FAM13C: variants seen among roughly 807,000 people sequenced by gnomAD.
The protein encoded by FAM13C is protein FAM13C.
Under a neutral mutation model 73.2 loss-of-function variants are expected in FAM13C, and 37 were observed. That is an observed-to-expected ratio of 0.51 (90% CI 0.39 to 0.67). The LOEUF (loss-of-function observed/expected upper bound fraction) is 0.67. FAM13C is among the 30% of genes least tolerant of loss of function. FAM13C has a pLI of 0.00. For missense variants in FAM13C, 589 were observed against 715.6 expected (o/e 0.82, Z 2.02); for synonymous variants, 246 against 260.9 (o/e 0.94, Z 0.55).
At chr10:59,270,260 G>T in intron 6 of FAM13C, 151 bp from the exon 7 acceptor site, 1 of 730,646 alleles carries the variant, frequency 1.4e-6, no homozygotes, top group Non-Finnish European at 2.2e-6. Flanking sequence ...TCAAAATATT[G>T]TCATGTTTAT....
At chr10:59,344,715 A>G (rs890190426) in intron 3 of FAM13C, among the ~76,000 whole-genome samples, 2 of 152,238 alleles carry the variant, frequency 1.3e-5, no homozygotes, top group Non-Finnish European at 2.9e-5. Context: ...CAGAGCTAGT[A>G]AGTGATGCTT....
At chr10:59,319,135 AC>A (rs1849898131) in intron 4 of FAM13C, among the ~76,000 whole-genome samples, 1 of 151,764 alleles carries the variant, frequency 6.6e-6, no homozygotes, top group Non-Finnish European at 1.5e-5. Context: ...TATCTCAAAA[AC>A]AAAAGATGAA....
intron 6 of FAM13C, among the ~76,000 whole-genome samples, chr10:59,275,389 C>T (rs893765026): frequency 5.9e-5 from 9 of 152,144 alleles, no homozygotes; most frequent in Non-Finnish European, 1.2e-4. Context: ...GTCTACCAAG[C>T]CCTGGGCCTG....
intron 3 of FAM13C, among the ~76,000 whole-genome samples, chr10:59,328,659 T>C (rs922285340): frequency 6.6e-6 from 1 of 152,180 alleles, no homozygotes; most frequent in African/African-American, 2.4e-5. Flanking sequence ...CATCAAATGT[T>C]CATCTTCTCA....
intron 9 of FAM13C, among the ~76,000 whole-genome samples, chr10:59,263,613 AAGAC>A (rs1842734825): frequency 2.6e-5 from 4 of 152,208 alleles, no homozygotes; most frequent in Non-Finnish European, 5.9e-5. Context: ...TCTCCAGAGA[AAGAC>A]AGAAAAAGAA....
rs189629546 is a variant in FAM13C, at chr10:59,357,008, C to T, written c.63-1065G>A. 8.3e-3 allele frequency among the ~76,000 whole-genome samples: 1,265 copies of T among 152,316 alleles called. 9 individuals carry two copies. The highest frequency in any genetic ancestry group is 0.012 in the Non-Finnish European group (817 of 68,018). On this transcript the variant is annotated intron_variant, in intron 1 of 13. Transcript: ENST00000618804. ...TTCAGCTTTTGGACTCTCGGACTTA[C>T]ACCAGTGATTTGCCAGGGGCTCTTG...
chr10:59,350,045 A>G (rs987001963), intron 3 of FAM13C, among the ~76,000 whole-genome samples: 4 of 152,212 alleles, frequency 2.6e-5, no homozygotes, highest in South Asian at 2.1e-4. Flanking sequence ...TATACATTCA[A>G]TAATAATCTG....
intron 6 of FAM13C, among the ~76,000 whole-genome samples, chr10:59,271,924 T>C (rs1843759273): frequency 6.6e-6 from 1 of 152,166 alleles, no homozygotes; most frequent in African/African-American, 2.4e-5. Flanking sequence ...AGCTCATTTG[T>C]GGCCCCAGGG....
chr10:59,281,411 T>C (rs1291748234), intron 6 of FAM13C, among the ~76,000 whole-genome samples: 2 of 152,178 alleles, frequency 1.3e-5, no homozygotes, highest in Admixed American at 6.5e-5. Context: ...GCCTGTCACT[T>C]TGGCAATATC....
chr10:59,355,745 G>A, intron 2 of FAM13C, 142 bp downstream of exon 2: 1 of 823,460 alleles, frequency 1.2e-6, no homozygotes, highest in South Asian at 1.7e-5. Flanking sequence ...ATTTTGTCAA[G>A]AGGTAAAAAT....
chr10:59,274,626 T>C (rs977611458), intron 6 of FAM13C, among the ~76,000 whole-genome samples: 1 of 152,084 alleles, frequency 6.6e-6, no homozygotes, highest in African/African-American at 2.4e-5. Flanking sequence ...CCATAATGGA[T>C]AAAAACACGA....
chr10:59,303,287 C>T (rs1351453210), intron 4 of FAM13C, among the ~76,000 whole-genome samples: 2 of 152,218 alleles, frequency 1.3e-5, no homozygotes, highest in East Asian at 3.9e-4. Flanking sequence ...CCTAACTAGA[C>T]AAGACATGCC....
chr10:59,294,679 T>C (rs1291821606), intron 5 of FAM13C, among the ~76,000 whole-genome samples: 2 of 152,240 alleles, frequency 1.3e-5, no homozygotes, highest in Non-Finnish European at 2.9e-5. Context: ...TGCCATGCAG[T>C]TCATTCAGCT....
At chr10:59,260,689 G>T (rs1038526339) in intron 10 of FAM13C, among the ~76,000 whole-genome samples, 1 of 151,920 alleles carries the variant, frequency 6.6e-6, no homozygotes, top group Non-Finnish European at 1.5e-5. Flanking sequence ...CCCACTCCCA[G>T]GACAACATGA....
At chr10:59,347,137 C>T (rs542918594) in intron 3 of FAM13C, among the ~76,000 whole-genome samples, 51 of 152,240 alleles carry the variant, frequency 3.3e-4, no homozygotes, top group Middle Eastern at 3.4e-3. Context: ...TTCAAATAAG[C>T]GTTCTCCTTC....
chr10:59,284,816 A>G (rs561836702), intron 5 of FAM13C, among the ~76,000 whole-genome samples: 3 of 149,644 alleles, frequency 2.0e-5, no homozygotes, highest in African/African-American at 7.4e-5. Context: ...AGCCTACTCC[A>G]CACATACCCA....
chr10:59,305,766 G>A (rs1356170439), intron 4 of FAM13C, among the ~76,000 whole-genome samples: 1 of 152,132 alleles, frequency 6.6e-6, no homozygotes, highest in Non-Finnish European at 1.5e-5. Context: ...TTTCCCTCCT[G>A]GGTGGGAGAG....
intron 4 of FAM13C, among the ~76,000 whole-genome samples, chr10:59,307,874 G>A (rs1345731622): frequency 1.3e-5 from 2 of 152,148 alleles, no homozygotes; most frequent in Non-Finnish European, 2.9e-5. Context: ...AAAAGATAAA[G>A]GTCATAGTAG....
chr10:59,318,104 T>A (rs1849759022), intron 4 of FAM13C, among the ~76,000 whole-genome samples: 1 of 152,150 alleles, frequency 6.6e-6, no homozygotes, highest in African/African-American at 2.4e-5. Context: ...CATTTTTACA[T>A]CCTTGGGATT....
Sources: allele counts gnomAD v4.1 joint callset (sites outside exome capture counted in the v4.1 genomes callset), GRCh38; gene constraint gnomAD v4.1.1; transcripts MANE v1.5; gene names NCBI Gene and HGNC (gene_info 2026-07-23, HGNC 2026-07-21).